The following NGEF variants were observed in gnomAD, a reference collection of about 807,000 sequenced individuals.
The protein encoded by NGEF is ephexin-1.
Under a neutral mutation model 80.9 loss-of-function variants are expected in NGEF, and 31 were observed. The ratio of observed to expected loss-of-function variants is 0.38; its 90% CI spans 0.29 to 0.52. The LOEUF (loss-of-function observed/expected upper bound fraction) is 0.52. Ranked by LOEUF, NGEF falls within the 20% of genes least tolerant of loss-of-function variation. NGEF has a pLI of 0.84. For missense variants in NGEF, 709 were observed against 926.2 expected (o/e 0.77, Z 3.04); for synonymous variants, 371 against 370.2 (o/e 1.00, Z -0.03).
At chr2:232,971,600 G>A (rs1321901285) in intron 2 of NGEF, among the ~76,000 whole-genome samples, 4 of 152,114 alleles carry the variant, frequency 2.6e-5, no homozygotes, top group Non-Finnish European at 5.9e-5. Context: ...CAGGAGAATC[G>A]CTTGAACCCA....
intron 3 of NGEF, among the ~76,000 whole-genome samples, chr2:232,950,413 G>T (rs917551418): frequency 6.6e-6 from 1 of 152,194 alleles, no homozygotes; most frequent in South Asian, 2.1e-4. Flanking sequence ...ATCAGTGATA[G>T]GCTGATAGGT....
intron 4 of NGEF, among the ~76,000 whole-genome samples, chr2:232,923,355 CCCTCT>C (rs1692987321): frequency 6.6e-6 from 1 of 152,156 alleles, no homozygotes; most frequent in African/African-American, 2.4e-5. Flanking sequence ...CCCCTCATGC[CCCTCT>C]CCCCGGTTGG....
At chr2:233,010,967 C>T (rs1192494898) in intron 1 of NGEF, among the ~76,000 whole-genome samples, 1 of 152,090 alleles carries the variant, frequency 6.6e-6, no homozygotes, top group East Asian at 1.9e-4. Flanking sequence ...GCAGAGGGGG[C>T]TTAGGTGCGG....
At chr2:232,883,950 G>C in intron 11 of NGEF, 31 bp downstream of exon 11, 1 of 1,581,692 alleles carries the variant, frequency 6.3e-7, no homozygotes, top group Non-Finnish European at 8.6e-7. Context: ...TCTACCCACC[G>C]GAGCGCCTGA....
chr2:232,891,053 C>T, intron 8 of NGEF: 1 of 516,378 alleles, frequency 1.9e-6, no homozygotes, highest in Admixed American at 2.3e-5. Context: ...ACGTGTCTTT[C>T]CTGACCCGCC....
intron 1 of NGEF, among the ~76,000 whole-genome samples, chr2:232,993,102 AATAAAT>A (rs1433739105): frequency 2.1e-4 from 18 of 85,894 alleles, no homozygotes; most frequent in South Asian, 1.4e-3. Flanking sequence ...TATATAAATA[AATAAAT>A]ATATATATAT....
chr2:232,917,438 A>G (rs977745736), intron 5 of NGEF, among the ~76,000 whole-genome samples: 4 of 152,088 alleles, frequency 2.6e-5, no homozygotes, highest in African/African-American at 9.6e-5. Flanking sequence ...ATGAAAGTGC[A>G]TAGAGGAGTT....
intron 1 of NGEF, among the ~76,000 whole-genome samples, chr2:232,989,744 T>C (rs139865707): frequency 6.6e-6 from 1 of 152,342 alleles, no homozygotes; most frequent in East Asian, 1.9e-4. Flanking sequence ...GAATTAGGTA[T>C]GGAATAAGGA....
chr2:232,956,195 C>A (rs976277409), intron 3 of NGEF, among the ~76,000 whole-genome samples: 12 of 152,146 alleles, frequency 7.9e-5, no homozygotes, highest in African/African-American at 2.6e-4. Context: ...CAGGGCTCAA[C>A]CACTCTGAGT....
At chr2:232,983,293 C>G (rs773663481) in intron 1 of NGEF, among the ~76,000 whole-genome samples, 3 of 151,926 alleles carry the variant, frequency 2.0e-5, no homozygotes, top group Non-Finnish European at 4.4e-5. Context: ...CCTACTACGC[C>G]GTGGCCACTT....
Position 232,972,251 on chromosome 2 carries a change from T to G in NGEF, c.269-1923A>C, listed in dbSNP as rs768162916. Among the ~76,000 whole-genome samples the G allele has an allele frequency of 3.0e-4, 45 of 152,276 alleles. 1 individual carries two copies. Among genetic ancestry groups the G allele is most frequent in the South Asian group, 6.2e-4 (3 of 4,834 alleles). On this transcript the variant is annotated intron_variant, in intron 2 of 14. Transcript: ENST00000264051. ...GAGAGGGGCTGCAAATATAAAATAC[T>G]CAACAGATTTCAAAGACTTCATGCA...
At chr2:232,981,472 G>A (rs1694415395) in intron 1 of NGEF, among the ~76,000 whole-genome samples, 1 of 152,052 alleles carries the variant, frequency 6.6e-6, no homozygotes, top group Non-Finnish European at 1.5e-5. Context: ...CGTTGCTCCT[G>A]GGGATAACAT....
intron 2 of NGEF, among the ~76,000 whole-genome samples, chr2:232,973,077 A>G (rs1694227235): frequency 6.6e-6 from 1 of 151,778 alleles, no homozygotes; most frequent in African/African-American, 2.4e-5. Context: ...ATTTGTCAAG[A>G]CTCATCTGAA....
rs566006631 is a variant in NGEF at position 232,906,344 on chromosome 2, TGGG to T, written c.829-11431_829-11429del. Among the ~76,000 whole-genome samples, 19 of 68,530 alleles carry T rather than the reference TGGG, an allele frequency of 2.8e-4. 4 individuals are homozygous for T. Among genetic ancestry groups the T allele is most frequent in the Admixed American group, 6.3e-4 (5 of 7,948 alleles). 45.0% of individuals were successfully genotyped at this position (68,530 alleles called of 152,430 possible). On this transcript the variant is annotated intron_variant, in intron 5 of 14. Transcript: ENST00000264051. ...GCCACCACCCCGTGTGGGAGGGAGGTGGGGGGGGTCAGCCCCCCGCCCGGCCAG... is the reference window on the plus strand; with the variant it reads ...GCCACCACCCCGTGTGGGAGGGAGGTGGGGGTCAGCCCCCCGCCCGGCCAG...
At chr2:232,977,272 G>A (rs752945629) in intron 1 of NGEF, among the ~76,000 whole-genome samples, 10 of 152,112 alleles carry the variant, frequency 6.6e-5, no homozygotes, top group Middle Eastern at 3.2e-3. Context: ...GCAGAGACTC[G>A]GGAGGGACGA....
intron 3 of NGEF, among the ~76,000 whole-genome samples, chr2:232,935,839 T>TA (rs398105437): frequency 6.6e-6 from 1 of 151,998 alleles, no homozygotes; most frequent in Non-Finnish European, 1.5e-5. Context: ...TTTCTTTTTT[T>TA]CTTTTTGGTA....
chr2:232,885,137 A>G, intron 10 of NGEF, 143 bp downstream of exon 10: 2 of 689,462 alleles, frequency 2.9e-6, no homozygotes, highest in Non-Finnish European at 4.9e-6. Context: ...TCAGCTGGGG[A>G]GGTCAGGGGG....
chr2:232,928,064 C>T lies in NGEF; in HGVS notation c.384-878G>A, dbSNP rs1162239775. 4.4e-6 allele frequency: 5 copies of T among 1,148,466 alleles called. No individual in the cohort carries two copies. The African/African-American group carries it at 4.9e-5, about 11-fold the overall frequency. 71.1% of individuals were successfully genotyped at this position (1,148,466 alleles called of 1,614,324 possible). On this transcript the variant is annotated intron_variant, in intron 3 of 14. Coordinates refer to ENST00000264051, the MANE Select transcript of NGEF (RefSeq NM_019850.3). ...GCCACGCCGGGGCCCTGGGCTGGGT[C>T]GGGGGCGACTAGCGGGCTGCGGAGC...
At chr2:232,909,481 A>AT (rs1365496541) in intron 5 of NGEF, among the ~76,000 whole-genome samples, 1 of 152,036 alleles carries the variant, frequency 6.6e-6, no homozygotes, top group Non-Finnish European at 1.5e-5. Flanking sequence ...GCGTTTTAAT[A>AT]TTTTTTGGAG....
Sources: gnomAD v4.1 joint callset for allele counts (sites outside exome capture counted in the v4.1 genomes callset) on GRCh38, gnomAD v4.1.1 for gene constraint, MANE v1.5 for transcripts, NCBI Gene and HGNC (gene_info 2026-07-23, HGNC 2026-07-21) for gene names.